MAN1C1: variants seen among roughly 807,000 people sequenced by gnomAD.
MAN1C1 encodes the protein mannosidase alpha class 1C member 1.
In MAN1C1, 49 loss-of-function variants were observed where a neutral mutation model predicts 71.5. The observed-to-expected ratio is 0.69, with a 90% confidence interval of 0.54 to 0.87. The LOEUF (loss-of-function observed/expected upper bound fraction) is 0.87, where lower values mean the gene tolerates loss of function less well. MAN1C1 is among the 40% of genes least tolerant of loss of function. MAN1C1 has a pLI of 0.00. For synonymous variants in MAN1C1, 352 were observed against 343.7 expected (o/e 1.02, Z -0.27); for missense variants, 743 against 835.0 (o/e 0.89, Z 1.36).
At chr1:25,709,111 G>A (rs936303563) in intron 2 of MAN1C1, among the ~76,000 whole-genome samples, 7 of 152,170 alleles carry the variant, frequency 4.6e-5, no homozygotes, top group African/African-American at 1.4e-4. Flanking sequence ...AGCCAGGGAG[G>A]GTTGAAGGGG....
At chr1:25,783,033 T>C (rs2047718472) in intron 11 of MAN1C1, among the ~76,000 whole-genome samples, 1 of 152,188 alleles carries the variant, frequency 6.6e-6, no homozygotes, top group Admixed American at 6.5e-5. Context: ...GATGATGATG[T>C]CAGTGCTGGT....
At chr1:25,686,401 G>T (rs760123778) in intron 1 of MAN1C1, 39 bp from the exon 2 acceptor site, 1 of 1,576,028 alleles carries the variant, frequency 6.3e-7, no homozygotes, top group African/African-American at 1.3e-5. Context: ...GCCAGGAATC[G>T]TCACACTGAG....
At chr1:25,682,337 G>T (rs1277072362) in intron 1 of MAN1C1, among the ~76,000 whole-genome samples, 1 of 152,338 alleles carries the variant, frequency 6.6e-6, no homozygotes, top group Admixed American at 6.5e-5. Context: ...GATCCTTACA[G>T]CATGGAATGA....
intron 1 of MAN1C1, among the ~76,000 whole-genome samples, chr1:25,675,806 C>G (rs2046059116): frequency 6.6e-6 from 1 of 152,178 alleles, no homozygotes; most frequent in Middle Eastern, 3.2e-3. Context: ...CACTTTACAT[C>G]TGTTATTTAC....
At chr1:25,716,571 C>T (rs2046684364) in intron 2 of MAN1C1, among the ~76,000 whole-genome samples, 1 of 152,196 alleles carries the variant, frequency 6.6e-6, no homozygotes, top group East Asian at 1.9e-4. Context: ...GAGCAATCCG[C>T]CCACCTTGGC....
At chr1:25,693,676 A>G (rs144845270) in intron 2 of MAN1C1, among the ~76,000 whole-genome samples, 94 of 152,348 alleles carry the variant, frequency 6.2e-4, no homozygotes, top group African/African-American at 2.2e-3. Context: ...ACGCATTACA[A>G]GTTCATGTTG....
intron 2 of MAN1C1, among the ~76,000 whole-genome samples, chr1:25,689,114 T>G (rs562563654): frequency 6.6e-6 from 1 of 152,308 alleles, no homozygotes; most frequent in South Asian, 2.1e-4. Flanking sequence ...ATGTAACTTG[T>G]TAGGTGCCAG....
At chr1:25,699,883 G>A (rs375956562) in intron 2 of MAN1C1, among the ~76,000 whole-genome samples, 2 of 152,134 alleles carry the variant, frequency 1.3e-5, no homozygotes, top group East Asian at 1.9e-4. Context: ...GCTGCCACTC[G>A]GGGCCTCTGA....
intron 1 of MAN1C1, among the ~76,000 whole-genome samples, chr1:25,684,424 G>A (rs2124172162): frequency 6.6e-6 from 1 of 152,350 alleles, no homozygotes; most frequent in African/African-American, 2.4e-5. Flanking sequence ...GAAGCCACAT[G>A]TCTGGCCAAG....
chr1:25,714,401 C>T (rs1003859596), intron 2 of MAN1C1, among the ~76,000 whole-genome samples: 1 of 152,160 alleles, frequency 6.6e-6, no homozygotes, highest in African/African-American at 2.4e-5. Flanking sequence ...ATAAGTAAAA[C>T]TATTCTGGCT....
rs2047614639 is a variant in MAN1C1 at position 25,776,014 on chromosome 1, G to A, written c.1258-2091G>A. 6.6e-6 allele frequency: 1 copy of A among 152,128 alleles called. No homozygotes were observed. The highest frequency in any genetic ancestry group is 1.5e-5 in the Non-Finnish European group (1 of 68,070). 9.4% of individuals were successfully genotyped at this position (152,128 alleles called of 1,614,324 possible). On this transcript the variant is annotated intron_variant, in intron 8 of 11. Coordinates refer to ENST00000374332, the MANE Select transcript of MAN1C1 (RefSeq NM_020379.4). This position sits in a 1 kb window ranked among gnomAD's most constrained non-coding sequence, Gnocchi z 4.3. ...TGATTCTCCCACCTCAGCCTCCCAAGTAGCTGGGACTACAGGTATGCACTA... is the reference window on the plus strand; with the variant it reads ...TGATTCTCCCACCTCAGCCTCCCAAATAGCTGGGACTACAGGTATGCACTA...
chr1:25,697,430 T>A (rs1200272687), intron 2 of MAN1C1, among the ~76,000 whole-genome samples: 3 of 152,268 alleles, frequency 2.0e-5, no homozygotes, highest in African/African-American at 7.2e-5. Context: ...ATATCCCACA[T>A]TTTATTTGTC....
chr1:25,770,980 A>G (rs910992500), intron 7 of MAN1C1, among the ~76,000 whole-genome samples: 5 of 152,152 alleles, frequency 3.3e-5, no homozygotes, highest in African/African-American at 1.2e-4. Flanking sequence ...TCCTCGGGCA[A>G]CCCGTCTTCC....
chr1:25,621,631 G>GT (rs1352668461), intron 1 of MAN1C1, among the ~76,000 whole-genome samples: 2,802 of 148,092 alleles, frequency 0.019, 80 homozygotes, highest in African/African-American at 0.065. Context: ...GTTTGTGTTT[G>GT]TTTTTTTTTT....
chr1:25,688,659 G>T (rs1318261057), intron 2 of MAN1C1, among the ~76,000 whole-genome samples: 1 of 152,208 alleles, frequency 6.6e-6, no homozygotes, highest in Non-Finnish European at 1.5e-5. Context: ...CCCGGAATTA[G>T]AATCAGATGA....
At chr1:25,766,120 G>A (rs2047422878) in intron 7 of MAN1C1, among the ~76,000 whole-genome samples, 1 of 152,166 alleles carries the variant, frequency 6.6e-6, no homozygotes, top group South Asian at 2.1e-4. Flanking sequence ...AAATTATAAG[G>A]GAGCCCCTGC....
At chr1:25,658,605 C>T (rs929862729) in intron 1 of MAN1C1, among the ~76,000 whole-genome samples, 1 of 152,122 alleles carries the variant, frequency 6.6e-6, no homozygotes, top group Non-Finnish European at 1.5e-5. Context: ...CGCATGCCAC[C>T]ATACCTGACT....
At chr1:25,679,950 A>AATATAT (rs71576063) in intron 1 of MAN1C1, among the ~76,000 whole-genome samples, 12 of 117,256 alleles carry the variant, frequency 1.0e-4, no homozygotes, top group African/African-American at 1.5e-4. Context: ...AAAAAAAAAA[A>AATATAT]ATATATATAT....
At chr1:25,689,379 T>C (rs762046376) in intron 2 of MAN1C1, among the ~76,000 whole-genome samples, 19 of 152,176 alleles carry the variant, frequency 1.2e-4, no homozygotes, top group Non-Finnish European at 2.2e-4. Context: ...AAGTCATTTC[T>C]CTCCAAGGCT....
Sources: gnomAD v4.1 joint callset for allele counts (sites outside exome capture counted in the v4.1 genomes callset) on GRCh38, gnomAD v4.1.1 for gene constraint, Gnocchi (gnomAD v3.1) non-coding constraint, MANE v1.5 for transcripts, NCBI Gene and HGNC (gene_info 2026-07-23, HGNC 2026-07-21) for gene names.